GRIK2: variants seen among roughly 807,000 people sequenced by gnomAD.
GRIK2 encodes the protein glutamate receptor ionotropic, kainate 2.
In GRIK2, 32 loss-of-function variants were observed where a neutral mutation model predicts 100.3. The ratio of observed to expected loss-of-function variants is 0.32; its 90% CI spans 0.24 to 0.43. The LOEUF (loss-of-function observed/expected upper bound fraction) is 0.43, where lower values mean the gene tolerates loss of function less well. Ranked by LOEUF, GRIK2 falls within the 20% of genes least tolerant of loss-of-function variation. The pLI is 1.00. For synonymous variants in GRIK2, 417 were observed against 389.4 expected (o/e 1.07, Z -0.83); for missense variants, 843 against 1,114.9 (o/e 0.76, Z 3.47).
At chr6:101,974,637 C>G (rs564683375) in intron 14 of GRIK2, among the ~76,000 whole-genome samples, 1 of 152,102 alleles carries the variant, frequency 6.6e-6, no homozygotes, top group Admixed American at 6.6e-5. Context: ...AGATTTTGCT[C>G]TCAATGCCTT....
chr6:101,492,145 T>C (rs1288987557), intron 2 of GRIK2, among the ~76,000 whole-genome samples: 1 of 151,920 alleles, frequency 6.6e-6, no homozygotes, highest in Non-Finnish European at 1.5e-5. Context: ...ATTAGGGTGA[T>C]ACTTTGTCTC....
At chr6:101,766,511 T>A (rs1412506253) in intron 7 of GRIK2, among the ~76,000 whole-genome samples, 1 of 152,176 alleles carries the variant, frequency 6.6e-6, no homozygotes, top group Non-Finnish European at 1.5e-5. Flanking sequence ...CCTCAAATTC[T>A]TTTTTATGAT....
intron 2 of GRIK2, among the ~76,000 whole-genome samples, chr6:101,556,321 A>ATTTTTTTTTTT (rs10528480): frequency 0.011 from 680 of 59,348 alleles, 147 homozygotes; most frequent in Non-Finnish European, 0.018. Flanking sequence ...TATATTGGTA[A>ATTTTTTTTTTT]TTTTTTTTTT....
chr6:102,006,414 AGTG>A (rs1795242857), intron 14 of GRIK2, among the ~76,000 whole-genome samples: 2 of 132,588 alleles, frequency 1.5e-5, no homozygotes, highest in Non-Finnish European at 3.1e-5. Context: ...TGAGACATAC[AGTG>A]GAGTACAGTG....
rs545980855 is a variant in GRIK2, at chr6:101,434,167, G to A, written c.115+34775G>A. ...GCTTGCTACTTATTCCTGTGTGTGA[G>A]TTGGGACTAACAGCAGCAGAGTTCT... On this transcript the variant is annotated intron_variant, in intron 2 of 16. Coordinates refer to ENST00000369134, the MANE Select transcript of GRIK2 (RefSeq NM_021956.5). Among the ~76,000 whole-genome samples the A allele has an allele frequency of 7.9e-5, 12 of 152,324 alleles. No individual in the cohort carries two copies. In the East Asian group the frequency reaches 2.1e-3, roughly 27 times the overall value.
At chr6:101,447,623 T>A (rs944650085) in intron 2 of GRIK2, among the ~76,000 whole-genome samples, 2 of 151,594 alleles carry the variant, frequency 1.3e-5, no homozygotes, top group African/African-American at 4.8e-5. Context: ...TTAGAAGGAG[T>A]GTAGCTCCCA....
Position 101,714,069 on chromosome 6 carries a change from G to A in GRIK2, c.951+27716G>A, listed in dbSNP as rs369261099. ...CCACCTTTCTTTCTTATATTAAAATGCAAAGAAATGTATATTTTAGAGTAA... is the reference window on the plus strand; with the variant it reads ...CCACCTTTCTTTCTTATATTAAAATACAAAGAAATGTATATTTTAGAGTAA... On this transcript the variant is annotated intron_variant, in intron 7 of 16. Coordinates refer to ENST00000369134, the MANE Select transcript of GRIK2 (RefSeq NM_021956.5). Among the ~76,000 whole-genome samples the A allele has an allele frequency of 1.6e-4, 25 of 151,624 alleles. 3 individuals are homozygous for A. Among genetic ancestry groups the A allele is most frequent in the East Asian group, 1.6e-3 (8 of 5,142 alleles).
At chr6:102,060,064 T>A (rs546727490) in intron 16 of GRIK2, among the ~76,000 whole-genome samples, 5 of 150,684 alleles carry the variant, frequency 3.3e-5, no homozygotes, top group Admixed American at 6.6e-5. Flanking sequence ...TGTCCCATCT[T>A]GAACACACAT....
chr6:102,003,569 A>C (rs1486431079), intron 14 of GRIK2, among the ~76,000 whole-genome samples: 1 of 151,890 alleles, frequency 6.6e-6, no homozygotes, highest in Non-Finnish European at 1.5e-5. Context: ...CAAATATATG[A>C]CATATTGAAA....
intron 2 of GRIK2, among the ~76,000 whole-genome samples, chr6:101,423,439 C>A (rs1191061059): frequency 6.6e-6 from 1 of 152,092 alleles, no homozygotes; most frequent in Non-Finnish European, 1.5e-5. Context: ...TCCAATTTTC[C>A]ACATTCTCGA....
At chr6:102,013,243 G>C (rs9485583) in intron 14 of GRIK2, among the ~76,000 whole-genome samples, 7,011 of 152,064 alleles carry the variant, frequency 0.046, 252 homozygotes, top group Admixed American at 0.12. Context: ...CTTGGCTGTT[G>C]CTTGTGTATA....
In GRIK2 at chr6:101,626,546, C is replaced by T. The variant is rs1284016575; in HGVS notation, c.450C>T (p.Tyr150=). The T allele has an allele frequency of 7.4e-6, 12 of 1,613,588 alleles. No individual in the cohort carries two copies. Among genetic ancestry groups the T allele is most frequent in the Non-Finnish European group, 1.0e-5 (12 of 1,179,628 alleles). ...DNKDSFYVSL[Y]PDFSSLSRAI... ...AAGATTCCTTCTATGTCAGTCTCTACCCAGACTTCTCTTCACTCAGCCGTG... is the reference window on the plus strand; with the variant it reads ...AAGATTCCTTCTATGTCAGTCTCTATCCAGACTTCTCTTCACTCAGCCGTG... The change falls in exon 4 of 17, where the codon TAC becomes TAT. Residue 150 remains tyrosine (Y), a synonymous_variant. Transcript: ENST00000369134.
At chr6:101,500,703 A>T (rs1341636212) in intron 2 of GRIK2, among the ~76,000 whole-genome samples, 1 of 152,094 alleles carries the variant, frequency 6.6e-6, no homozygotes, top group Non-Finnish European at 1.5e-5. Context: ...TAAGACTAAA[A>T]TTATTGTTTG....
chr6:101,918,341 A>G (rs937030707), intron 12 of GRIK2, among the ~76,000 whole-genome samples: 3 of 151,794 alleles, frequency 2.0e-5, no homozygotes, highest in Non-Finnish European at 4.4e-5. Flanking sequence ...ATATGTTATA[A>G]AAATCATTTT....
chr6:101,395,300 A>G (rs902924216), intron 1 of GRIK2, among the ~76,000 whole-genome samples: 1 of 152,082 alleles, frequency 6.6e-6, no homozygotes, highest in Non-Finnish European at 1.5e-5. Context: ...TGTTACTATA[A>G]GATGAGGTTT....
intron 7 of GRIK2, among the ~76,000 whole-genome samples, chr6:101,756,595 A>G (rs1777153778): frequency 6.6e-6 from 1 of 152,184 alleles, no homozygotes; most frequent in Non-Finnish European, 1.5e-5. Flanking sequence ...ACTAAACGTC[A>G]TTTTGAAGGT....
At chr6:101,688,423 T>C (rs1021326624) in intron 7 of GRIK2, among the ~76,000 whole-genome samples, 1 of 151,838 alleles carries the variant, frequency 6.6e-6, no homozygotes, top group Non-Finnish European at 1.5e-5. Flanking sequence ...AATCCCTAAT[T>C]TGTGGCAACT....
rs531414759 is a variant in GRIK2, at chr6:101,603,093, C to T, written c.116-18856C>T. ...AATATATAATCTTCCTTTGAACAGA[C>T]ATAAGTCAAATCAATGACAAAATCC... On this transcript the variant is annotated intron_variant, in intron 2 of 16. Transcript: ENST00000369134. 5.9e-5 allele frequency among the ~76,000 whole-genome samples: 9 copies of T among 151,708 alleles called. No individual in the cohort carries two copies. In the South Asian group the frequency reaches 1.7e-3, roughly 28 times the overall value.
intron 10 of GRIK2, among the ~76,000 whole-genome samples, chr6:101,825,589 C>A (rs182044041): frequency 1.3e-5 from 2 of 149,972 alleles, no homozygotes; most frequent in East Asian, 4.0e-4. Context: ...AAATTAACTA[C>A]CATGATGAAG....
Sources: gnomAD v4.1 joint callset for allele counts (sites outside exome capture counted in the v4.1 genomes callset) on GRCh38, gnomAD v4.1.1 for gene constraint, MANE v1.5 for transcripts, NCBI Gene and HGNC (gene_info 2026-07-23, HGNC 2026-07-21) for gene names.